ARL15: variants seen among roughly 807,000 people sequenced by gnomAD.
ARL15 encodes ADP-ribosylation factor-like protein 15.
A neutral mutation model predicts 25.2 loss-of-function variants in ARL15; 19 were observed. That is an observed-to-expected ratio of 0.75 (90% CI 0.53 to 1.10). The LOEUF (loss-of-function observed/expected upper bound fraction) is 1.10. ARL15 is among the 50% of genes least tolerant of loss of function. The probability of loss-of-function intolerance (pLI) is 0.00; values close to 1 mark genes in which losing one functional copy is unlikely to be tolerated. For missense variants in ARL15, 220 were observed against 246.0 expected (o/e 0.89, Z 0.71); for synonymous variants, 94 against 86.8 (o/e 1.08, Z -0.46).
At chr5:54,025,081 G>C (rs1185448370) in intron 4 of ARL15, among the ~76,000 whole-genome samples, 1 of 151,882 alleles carries the variant, frequency 6.6e-6, no homozygotes, top group Non-Finnish European at 1.5e-5. Context: ...GGAAAAGTAG[G>C]GCCAAATCCC....
chr5:54,244,995 T>C (rs952559371), intron 1 of ARL15, among the ~76,000 whole-genome samples: 1 of 152,194 alleles, frequency 6.6e-6, no homozygotes, highest in African/African-American at 2.4e-5. Context: ...AAGTAAATTT[T>C]CTTTATGTAA....
intron 3 of ARL15, among the ~76,000 whole-genome samples, chr5:54,134,877 C>A (rs574868469): frequency 6.6e-6 from 1 of 152,186 alleles, no homozygotes; most frequent in African/African-American, 2.4e-5. Flanking sequence ...GCCACTGCGC[C>A]CAGCTGGAAT....
At chr5:54,274,755 A>G (rs1227200417) in intron 1 of ARL15, among the ~76,000 whole-genome samples, 1 of 152,094 alleles carries the variant, frequency 6.6e-6, no homozygotes, top group African/African-American at 2.4e-5. Context: ...AAATACAGGC[A>G]TGGTGGCACA....
At chr5:54,079,211 T>G (rs1399724942) in intron 4 of ARL15, among the ~76,000 whole-genome samples, 2 of 152,226 alleles carry the variant, frequency 1.3e-5, no homozygotes, top group Non-Finnish European at 2.9e-5. Flanking sequence ...GTTGGCTTTT[T>G]GTCATCTCAT....
intron 2 of ARL15, among the ~76,000 whole-genome samples, chr5:54,158,488 CAAT>C (rs1350301369): frequency 3.3e-5 from 5 of 152,194 alleles, no homozygotes; most frequent in Non-Finnish European, 7.3e-5. Flanking sequence ...GCTTGGCATA[CAAT>C]AGGATCTCAA....
intron 4 of ARL15, among the ~76,000 whole-genome samples, chr5:54,026,857 T>C (rs991740750): frequency 6.6e-6 from 1 of 152,126 alleles, no homozygotes; most frequent in African/African-American, 2.4e-5. Flanking sequence ...GTGAGAAACA[T>C]GTAAACTGAG....
intron 1 of ARL15, among the ~76,000 whole-genome samples, chr5:54,173,209 A>G (rs144574322): frequency 6.6e-6 from 1 of 151,918 alleles, no homozygotes; most frequent in African/African-American, 2.4e-5. Context: ...AGAAAAGAAA[A>G]GAAAGAAAGA....
intron 4 of ARL15, among the ~76,000 whole-genome samples, chr5:54,032,852 CTTTTA>C (rs1420355720): frequency 6.6e-6 from 1 of 152,052 alleles, no homozygotes; most frequent in African/African-American, 2.4e-5. Flanking sequence ...TTCTATTCTT[CTTTTA>C]TTTTAATTGT....
chr5:54,259,300 G>A lies in ARL15; in HGVS notation c.48+51132C>T, dbSNP rs142015007. 3.6e-3 allele frequency among the ~76,000 whole-genome samples: 554 copies of A among 152,090 alleles called. 3 individuals carry two copies. The highest frequency in any genetic ancestry group is 0.013 in the African/African-American group (538 of 41,488). On this transcript the variant is annotated intron_variant, in intron 1 of 4. Coordinates refer to ENST00000504924, the MANE Select transcript of ARL15 (RefSeq NM_019087.3). ...CACACACATATAAACTTAACCTTGG[G>A]GTTGGCTGCTGTCAAACAGTTCTGT...
At chr5:53,907,092 C>T (rs1745268559) in intron 4 of ARL15, among the ~76,000 whole-genome samples, 1 of 151,982 alleles carries the variant, frequency 6.6e-6, no homozygotes, top group African/African-American at 2.4e-5. Context: ...CAAGGATGGC[C>T]ATCCTTGAAT....
intron 4 of ARL15, among the ~76,000 whole-genome samples, chr5:54,035,900 A>G (rs1448736574): frequency 6.6e-6 from 1 of 152,226 alleles, no homozygotes; most frequent in African/African-American, 2.4e-5. Flanking sequence ...AAAGTGAGAA[A>G]AATAAAATTA....
intron 1 of ARL15, among the ~76,000 whole-genome samples, chr5:54,210,681 C>T (rs1461845747): frequency 1.3e-5 from 2 of 152,196 alleles, no homozygotes; most frequent in Non-Finnish European, 2.9e-5. Flanking sequence ...AGTTTTGTTG[C>T]AGTTGTTGCT....
chr5:54,003,662 T>TTCTATCTA (rs34463762), intron 4 of ARL15, among the ~76,000 whole-genome samples: 198 of 138,412 alleles, frequency 1.4e-3, no homozygotes, highest in Non-Finnish European at 1.8e-3. Context: ...AATATTTTCT[T>TTCTATCTA]TCTATCTATC....
chr5:54,302,683 A>ATTTTTT (rs372704359), intron 1 of ARL15, among the ~76,000 whole-genome samples: 5,444 of 77,654 alleles, frequency 0.07, 690 homozygotes, highest in Non-Finnish European at 0.078. Flanking sequence ...TAAAATTAAG[A>ATTTTTT]TTTTTTTTTT....
At chr5:53,958,885 A>G (rs970061587) in intron 4 of ARL15, among the ~76,000 whole-genome samples, 1 of 152,214 alleles carries the variant, frequency 6.6e-6, no homozygotes, top group East Asian at 1.9e-4. Flanking sequence ...TATGCACCAA[A>G]TATCAGATCT....
rs996695713 is a variant in ARL15 at position 54,009,341 on chromosome 5, T to C, written c.462+103861A>G. On this transcript the variant is annotated intron_variant, in intron 4 of 4. Coordinates refer to ENST00000504924, the MANE Select transcript of ARL15 (RefSeq NM_019087.3). ...ACCCAACAACCTAAAATTACCAGCT[T>C]TCCATAAAAATTGTAAACTTTCTAA... is the stretch of plus-strand genomic sequence containing the variant. Among the ~76,000 whole-genome samples, 36 of 152,224 alleles carry C rather than the reference T, an allele frequency of 2.4e-4. 1 individual carries two copies. Among genetic ancestry groups the C allele is most frequent in the African/African-American group, 8.2e-4 (34 of 41,466 alleles).
intron 4 of ARL15, 65 bp downstream of exon 4, chr5:54,113,137 G>A: frequency 1.3e-6 from 2 of 1,512,496 alleles, no homozygotes; most frequent in South Asian, 1.2e-5. Context: ...ATTTTTCCAG[G>A]TTCCAACGTG....
intron 4 of ARL15, among the ~76,000 whole-genome samples, chr5:53,909,910 T>A (rs1745398420): frequency 6.6e-6 from 1 of 152,198 alleles, no homozygotes; most frequent in African/African-American, 2.4e-5. Context: ...TCTCCTCATA[T>A]AATAGTATCT....
chr5:54,164,024 T>C (rs976946246), intron 2 of ARL15, among the ~76,000 whole-genome samples: 1 of 152,064 alleles, frequency 6.6e-6, no homozygotes, highest in Non-Finnish European at 1.5e-5. Context: ...TTTAGTGGTA[T>C]AAACTTTTCT....
Sources: allele counts gnomAD v4.1 joint callset (sites outside exome capture counted in the v4.1 genomes callset), GRCh38; gene constraint gnomAD v4.1.1; transcripts MANE v1.5; gene names NCBI Gene and HGNC (gene_info 2026-07-23, HGNC 2026-07-21).